ABCA13: variants seen among roughly 807,000 people sequenced by gnomAD.
The protein encoded by ABCA13 is ATP binding cassette subfamily A member 13, also known as ATP-binding cassette sub-family A member 13.
In ABCA13, 476 loss-of-function variants were observed where a neutral mutation model predicts 478.7. The ratio of observed to expected loss-of-function variants is 0.99; its 90% CI spans 0.92 to 1.07. The LOEUF (loss-of-function observed/expected upper bound fraction) is 1.07. Among genes scored for constraint, ABCA13 ranks in the 50% least tolerant of loss-of-function variants. The probability of loss-of-function intolerance (pLI) is 0.00; values close to 1 mark genes in which losing one functional copy is unlikely to be tolerated. For synonymous variants in ABCA13, 2,252 were observed against 2,158.9 expected (o/e 1.04, Z -1.20); for missense variants, 6,060 against 5,910.6 (o/e 1.03, Z -0.83).
chr7:48,316,525 T>A (rs568332482), intron 26 of ABCA13, among the ~76,000 whole-genome samples: 1 of 152,338 alleles, frequency 6.6e-6, no homozygotes, highest in Admixed American at 6.5e-5. Context: ...TTCTTATGAG[T>A]TGAGAGCTGC....
chr7:48,402,534 C>G (rs1817747166), intron 38 of ABCA13, among the ~76,000 whole-genome samples: 1 of 152,178 alleles, frequency 6.6e-6, no homozygotes, highest in African/African-American at 2.4e-5. Context: ...ATTTAACCAG[C>G]AGAAAATGCA....
At chr7:48,397,292 A>C (rs1816968943) in intron 38 of ABCA13, among the ~76,000 whole-genome samples, 1 of 152,124 alleles carries the variant, frequency 6.6e-6, no homozygotes, top group Non-Finnish European at 1.5e-5. Context: ...ATTGCCTGAG[A>C]ATTTTGTAGA....
intron 42 of ABCA13, among the ~76,000 whole-genome samples, chr7:48,443,425 G>A (rs1356925299): frequency 6.6e-6 from 1 of 152,176 alleles, no homozygotes; most frequent in Non-Finnish European, 1.5e-5. Flanking sequence ...ACTGGCCATG[G>A]CACAGCACTC....
intron 22 of ABCA13, among the ~76,000 whole-genome samples, chr7:48,297,786 C>CT (rs11393352): frequency 0.25 from 35,057 of 141,876 alleles, 5,242 homozygotes; most frequent in African/African-American, 0.44. Context: ...TTCTTTCTTT[C>CT]TTTTTTTTTT....
At chr7:48,352,721 G>T (rs772562324) in intron 31 of ABCA13, among the ~76,000 whole-genome samples, 1 of 152,002 alleles carries the variant, frequency 6.6e-6, no homozygotes, top group Non-Finnish European at 1.5e-5. Flanking sequence ...TTGACATCAG[G>T]CATCATCTAT....
chr7:48,542,594 A>G (rs1216190668), intron 55 of ABCA13, among the ~76,000 whole-genome samples: 1 of 151,788 alleles, frequency 6.6e-6, no homozygotes, highest in Non-Finnish European at 1.5e-5. Context: ...ATAGAAAAAA[A>G]CACATGCAAG....
intron 15 of ABCA13, among the ~76,000 whole-genome samples, chr7:48,252,831 G>A (rs115961861): frequency 6.0e-4 from 92 of 152,180 alleles, no homozygotes; most frequent in African/African-American, 2.1e-3. Context: ...AGATTTATCT[G>A]GTTCCTTTGA....
intron 43 of ABCA13, among the ~76,000 whole-genome samples, chr7:48,460,142 G>T (rs771872923): frequency 1.3e-5 from 2 of 152,170 alleles, no homozygotes; most frequent in Non-Finnish European, 2.9e-5. Flanking sequence ...AAGAACCCAA[G>T]AGGGCCAGTG....
intron 45 of ABCA13, among the ~76,000 whole-genome samples, chr7:48,473,108 C>T (rs995979116): frequency 2.0e-5 from 3 of 152,126 alleles, no homozygotes; most frequent in African/African-American, 7.2e-5. Flanking sequence ...TTAGTCACTA[C>T]CATGAGAACA....
At chr7:48,448,475 T>C (rs1824576039) in intron 42 of ABCA13, among the ~76,000 whole-genome samples, 1 of 152,240 alleles carries the variant, frequency 6.6e-6, no homozygotes, top group African/African-American at 2.4e-5. Context: ...AAAATGTGGC[T>C]GGGTTTAAGG....
At position 48,640,176 on chromosome 7, in the gene ABCA13, T is replaced by C. The variant is rs535166132; in HGVS notation, c.14838-3112T>C. 3.0e-4 allele frequency among the ~76,000 whole-genome samples: 45 copies of C among 152,338 alleles called. 1 individual carries two copies. In the South Asian group the frequency reaches 9.3e-3, roughly 32 times the overall value. Reference sequence around the variant, plus strand: ...TATTATTTGTAGAGATTTTTAATAGTTGAGGCTGAAATCAATGTATTTGTT... The same window carrying C: ...TATTATTTGTAGAGATTTTTAATAGCTGAGGCTGAAATCAATGTATTTGTT... On this transcript the variant is annotated intron_variant, in intron 59 of 61. Transcript: ENST00000435803.
At chr7:48,222,619 G>T (rs981290299) in intron 5 of ABCA13, among the ~76,000 whole-genome samples, 1 of 152,094 alleles carries the variant, frequency 6.6e-6, no homozygotes, top group Non-Finnish European at 1.5e-5. Flanking sequence ...TATGTTATTA[G>T]ATCAAGTGTA....
Position 48,645,618 on chromosome 7 carries a change from C to A in ABCA13, c.*106C>A. 1.2e-6 allele frequency: 1 copy of A among 865,372 alleles called. No homozygotes were observed. The highest frequency in any genetic ancestry group is 1.8e-6 in the Non-Finnish European group (1 of 560,506). The allele number at this position is 865,372 out of a possible 1,614,324, so 53.6% of individuals were successfully genotyped here. A position where few individuals can be genotyped will look rare whatever the true frequency, so the allele number is the denominator to read the frequency against. On this transcript the variant is annotated 3_prime_UTR_variant, in exon 62 of 62. Transcript: ENST00000435803. ...AATCAAGGAGCTGGAACACACTCTC[C>A]AGGCCGTCAAATTATTCTCTTGTTC...
chr7:48,538,998 T>C (rs1322319064), intron 55 of ABCA13, among the ~76,000 whole-genome samples: 1 of 152,236 alleles, frequency 6.6e-6, no homozygotes, highest in Non-Finnish European at 1.5e-5. Flanking sequence ...TTTCTTGCAA[T>C]TGCAGCTGGA....
chr7:48,359,538 C>T (rs540798386), intron 31 of ABCA13, among the ~76,000 whole-genome samples: 30 of 151,880 alleles, frequency 2.0e-4, no homozygotes, highest in Non-Finnish European at 3.7e-4. Context: ...ATGCACTGGT[C>T]CTTCTCTTCA....
intron 20 of ABCA13, among the ~76,000 whole-genome samples, chr7:48,288,717 A>G (rs17092913): frequency 0.014 from 2,176 of 152,280 alleles, 20 homozygotes; most frequent in Middle Eastern, 0.054. Context: ...TACACTGGCT[A>G]GTACCAAAAA....
chr7:48,202,109 A>C (rs181736843), intron 3 of ABCA13, among the ~76,000 whole-genome samples: 2 of 152,306 alleles, frequency 1.3e-5, no homozygotes, highest in African/African-American at 4.8e-5. Context: ...CTAAACAGTG[A>C]GCAGTAGCAA....
chr7:48,315,149 T>C (rs1802381038), intron 26 of ABCA13, among the ~76,000 whole-genome samples: 1 of 152,218 alleles, frequency 6.6e-6, no homozygotes, highest in Non-Finnish European at 1.5e-5. Flanking sequence ...GCTCATAAGC[T>C]TATTGTGAGA....
intron 54 of ABCA13, 64 bp downstream of exon 54, chr7:48,524,504 T>C: frequency 7.1e-7 from 1 of 1,408,446 alleles, no homozygotes; most frequent in Non-Finnish European, 9.6e-7. Flanking sequence ...GTAGCTGATC[T>C]GCTTGTGTTA....
Sources: gnomAD v4.1 joint callset for allele counts (sites outside exome capture counted in the v4.1 genomes callset) on GRCh38, gnomAD v4.1.1 for gene constraint, MANE v1.5 for transcripts, NCBI Gene and HGNC (gene_info 2026-07-23, HGNC 2026-07-21) for gene names.